PAM: variants seen among roughly 807,000 people sequenced by gnomAD.
The protein encoded by PAM is peptidylglycine alpha-amidating monooxygenase, also known as peptidyl-glycine alpha-amidating monooxygenase.
PAM carries 72 observed loss-of-function variants against 122.1 expected under a neutral mutation model. The ratio of observed to expected loss-of-function variants is 0.59; its 90% CI spans 0.49 to 0.72. The LOEUF (loss-of-function observed/expected upper bound fraction) is 0.72. Ranked by LOEUF, PAM falls within the 30% of genes least tolerant of loss-of-function variation. PAM has a pLI of 0.00. For missense variants in PAM, 1,106 were observed against 1,183.7 expected (o/e 0.93, Z 0.96); for synonymous variants, 389 against 404.4 (o/e 0.96, Z 0.46).
intron 16 of PAM, among the ~76,000 whole-genome samples, chr5:102,992,345 C>CT (rs527410866): frequency 4.8e-4 from 63 of 131,732 alleles, no homozygotes; most frequent in African/African-American, 1.6e-3. Context: ...AGATGTAAAA[C>CT]TATTTTTTTT....
intron 1 of PAM, among the ~76,000 whole-genome samples, chr5:102,794,134 A>G (rs543832249): frequency 6.6e-6 from 1 of 152,300 alleles, no homozygotes; most frequent in African/African-American, 2.4e-5. Flanking sequence ...TATTTTAATG[A>G]TAGTTTAAAC....
At chr5:102,959,705 T>A (rs1247658133) in intron 12 of PAM, among the ~76,000 whole-genome samples, 170 bp from the exon 13 acceptor site, 1 of 152,160 alleles carries the variant, frequency 6.6e-6, no homozygotes, top group Non-Finnish European at 1.5e-5. Context: ...TTTGACAATG[T>A]GCTTTTGATG....
chr5:102,759,889 C>T (rs1751822817), intron 1 of PAM, among the ~76,000 whole-genome samples: 1 of 152,026 alleles, frequency 6.6e-6, no homozygotes, highest in African/African-American at 2.4e-5. Flanking sequence ...TGGGAGGAGG[C>T]AGTGGTGGAA....
Position 103,019,798 on chromosome 5 carries a change from C to A in PAM, c.2440C>A (p.His814Asn). The A allele has an allele frequency of 6.2e-7, 1 of 1,603,836 alleles. No homozygotes were observed. The highest frequency in any genetic ancestry group is 8.5e-7 in the Non-Finnish European group (1 of 1,170,808). ...WKFTLTEKLEHRSVKKAGIEV... is the reference protein window; with the variant it reads ...WKFTLTEKLENRSVKKAGIEV... ...TTGTTGTGTTGTTACAGAATTGGAACATCGATCAGTTAAAAAGGCTGGCAT... is the reference window on the plus strand; with the variant it reads ...TTGTTGTGTTGTTACAGAATTGGAAAATCGATCAGTTAAAAAGGCTGGCAT... The change falls in exon 23 of 26, where the codon CAT (histidine) becomes AAT (asparagine). Residue 814 changes from histidine (H) to asparagine (N), a missense_variant. Around this residue, in one of 3 missense-constraint regions of PAM, gnomAD observed 333 missense variants for 335.6 expected, o/e 0.99. Transcript: ENST00000438793.
intron 1 of PAM, among the ~76,000 whole-genome samples, chr5:102,836,365 A>G (rs1463340761): frequency 6.6e-6 from 1 of 152,156 alleles, no homozygotes; most frequent in Non-Finnish European, 1.5e-5. Context: ...AATATGTGGT[A>G]GGCATAGTCC....
chr5:102,814,807 T>C (rs1055050186), intron 1 of PAM, among the ~76,000 whole-genome samples: 3 of 152,040 alleles, frequency 2.0e-5, no homozygotes, highest in African/African-American at 7.2e-5. Flanking sequence ...GTTATTCCAT[T>C]AAGCTTTGTA....
intron 1 of PAM, among the ~76,000 whole-genome samples, chr5:102,796,047 C>T (rs1480897286): frequency 2.0e-5 from 3 of 152,274 alleles, no homozygotes; most frequent in African/African-American, 7.2e-5. Context: ...ATGCACCAGC[C>T]TCAGCAAAAA....
chr5:102,896,241 G>T (rs2151333477), intron 3 of PAM, among the ~76,000 whole-genome samples: 1 of 151,826 alleles, frequency 6.6e-6, no homozygotes, highest in African/African-American at 2.4e-5. Context: ...AAGAGCGCTT[G>T]CCAGGAGAGT....
At chr5:102,923,749 C>G (rs553501482) in intron 5 of PAM, among the ~76,000 whole-genome samples, 16 of 152,280 alleles carry the variant, frequency 1.1e-4, no homozygotes, top group African/African-American at 3.8e-4. Context: ...CATATAGGAA[C>G]TGGGCCTTTG....
intron 12 of PAM, among the ~76,000 whole-genome samples, chr5:102,952,981 A>G (rs982811982): frequency 6.6e-6 from 1 of 152,192 alleles, no homozygotes; most frequent in Non-Finnish European, 1.5e-5. Flanking sequence ...GGCTGGGGCC[A>G]GTAGGTGCCT....
At chr5:102,986,574 A>C (rs1476998145) in intron 15 of PAM, among the ~76,000 whole-genome samples, 1 of 152,200 alleles carries the variant, frequency 6.6e-6, no homozygotes, top group Non-Finnish European at 1.5e-5. Flanking sequence ...AAAGAAATTG[A>C]AAATGACACC....
At chr5:102,817,218 A>G (rs777016338) in intron 1 of PAM, among the ~76,000 whole-genome samples, 7 of 152,148 alleles carry the variant, frequency 4.6e-5, no homozygotes, top group Non-Finnish European at 7.4e-5. Flanking sequence ...TTATTAACTA[A>G]TCCCTTGTAG....
chr5:102,880,720 A>G (rs1226053070), intron 3 of PAM, among the ~76,000 whole-genome samples: 1 of 152,110 alleles, frequency 6.6e-6, no homozygotes, highest in African/African-American at 2.4e-5. Flanking sequence ...ATAGCCTTAA[A>G]ATGAAAAATA....
chr5:102,836,950 GAAGGCTGA>G (rs1348200046), intron 1 of PAM, among the ~76,000 whole-genome samples: 2 of 146,556 alleles, frequency 1.4e-5, no homozygotes, highest in African/African-American at 5.1e-5. Context: ...CACCTCACAG[GAAGGCTGA>G]AGCCTGAAAT....
chr5:102,987,553 G>A (rs937076475), intron 15 of PAM: 5 of 455,746 alleles, frequency 1.1e-5, no homozygotes, highest in African/African-American at 4.0e-5. Flanking sequence ...CCAGTGCAAA[G>A]AAATGATAAG....
intron 16 of PAM, among the ~76,000 whole-genome samples, chr5:103,000,703 C>T (rs955159087): frequency 4.6e-5 from 7 of 152,018 alleles, no homozygotes; most frequent in Admixed American, 2.6e-4. Context: ...GAAGCAAACA[C>T]GTCCTTCTTC....
chr5:102,893,209 G>T (rs1795245294), intron 3 of PAM, among the ~76,000 whole-genome samples: 1 of 151,660 alleles, frequency 6.6e-6, no homozygotes, highest in African/African-American at 2.4e-5. Context: ...TAAATGAATG[G>T]GATTCATTGC....
chr5:102,958,651 G>A (rs1375379546), intron 12 of PAM, among the ~76,000 whole-genome samples: 2 of 152,140 alleles, frequency 1.3e-5, no homozygotes, highest in Non-Finnish European at 2.9e-5. Context: ...GAAGCCAAAT[G>A]ATTTCTAAAG....
chr5:102,792,756 C>T (rs964091602), intron 1 of PAM, among the ~76,000 whole-genome samples: 16 of 152,308 alleles, frequency 1.1e-4, no homozygotes, highest in Admixed American at 8.5e-4. Context: ...CATTGGTTTT[C>T]TTACAAATCA....
Sources: allele counts gnomAD v4.1 joint callset (sites outside exome capture counted in the v4.1 genomes callset), GRCh38; gene constraint gnomAD v4.1.1; regional missense constraint gnomAD v4.1.1; transcripts MANE v1.5; gene names NCBI Gene and HGNC (gene_info 2026-07-23, HGNC 2026-07-21).